HSPA4: variants seen among roughly 807,000 people sequenced by gnomAD.
HSPA4 encodes heat shock 70 kDa protein 4.
Under a neutral mutation model 106.2 loss-of-function variants are expected in HSPA4, and 25 were observed. The observed-to-expected ratio is 0.24, with a 90% confidence interval of 0.17 to 0.33. HSPA4 has a LOEUF of 0.33. Among genes scored for constraint, HSPA4 ranks in the 10% least tolerant of loss-of-function variants. The pLI, the probability that HSPA4 is intolerant of heterozygous loss-of-function variation, is 1.00. For missense variants in HSPA4, 841 were observed against 996.0 expected (o/e 0.84, Z 2.10); for synonymous variants, 332 against 333.6 (o/e 1.00, Z 0.05).
intron 7 of HSPA4, among the ~76,000 whole-genome samples, chr5:133,080,913 T>G (rs1430596199): frequency 5.9e-5 from 9 of 152,246 alleles, no homozygotes; most frequent in Admixed American, 2.6e-4. Flanking sequence ...TCCAGGGTTG[T>G]GCAACTGTGA....
chr5:133,102,022 G>C, intron 17 of HSPA4, 144 bp downstream of exon 17: 2 of 531,932 alleles, frequency 3.8e-6, no homozygotes, highest in South Asian at 4.9e-5. Flanking sequence ...CACCTCCTGG[G>C]TTTAAGCAAT....
In HSPA4 at chr5:133,104,464, A is replaced by G. The variant is rs1192741747; in HGVS notation, c.*28A>G. The G allele has an allele frequency of 1.2e-5, 19 of 1,585,958 alleles. No individual in the cohort carries two copies. The highest frequency in any genetic ancestry group is 1.6e-5 in the Non-Finnish European group (19 of 1,155,512). On this transcript the variant is annotated 3_prime_UTR_variant, in exon 19 of 19. Transcript: ENST00000304858. ...CCAACACTTGTTTCTATTAAAACAG[A>G]CTATTATAAAGCTTTAAGTTGTCAA...
intron 7 of HSPA4, among the ~76,000 whole-genome samples, chr5:133,077,457 C>G (rs1241981327): frequency 6.6e-6 from 1 of 152,194 alleles, no homozygotes. Flanking sequence ...AGGCTGGTCT[C>G]AAACTCCTGA....
chr5:133,088,471 A>T lies in HSPA4; in HGVS notation c.1053A>T (p.Lys351Asn). ...VGGATRIPAV[K>N]EKISKFFGKE... ...GTGCTACACGAATCCCTGCGGTAAA[A>T]GAGAAGATCAGCAAATTTTTCGGTA... The change falls in exon 9 of 19, where the codon AAA becomes AAT. Residue 351 changes from lysine (K) to asparagine (N), a missense_variant. This residue lies in a region of HSPA4 where 162 missense variants were observed against 177.7 expected (regional missense o/e 0.91). Coordinates refer to ENST00000304858, the MANE Select transcript of HSPA4 (RefSeq NM_002154.4). 1.2e-6 allele frequency: 2 copies of T among 1,613,224 alleles called. No individual in the cohort carries two copies. The highest frequency in any genetic ancestry group is 1.7e-6 in the Non-Finnish European group (2 of 1,179,116).
chr5:133,080,680 AT>A lies in HSPA4; in HGVS notation c.908+3791del, dbSNP rs200859110. Among the ~76,000 whole-genome samples, 208 of 149,550 alleles carry A rather than the reference AT, an allele frequency of 1.4e-3. 6 individuals carry two copies. The East Asian group carries it at 0.038, about 28-fold the overall frequency. ...CCTTGCCTATCTTACATATATATAT[AT>A]TTTTTTTTAGTTTGCCTTTTTTTTG... On this transcript the variant is annotated intron_variant, in intron 7 of 18. Transcript: ENST00000304858.
chr5:133,093,585 G>T (rs1020586317), intron 13 of HSPA4, among the ~76,000 whole-genome samples: 2 of 152,030 alleles, frequency 1.3e-5, no homozygotes, highest in African/African-American at 4.8e-5. Flanking sequence ...CCGCCTTCCA[G>T]GTTCAAGCGA....
chr5:133,071,736 G>A (rs1278138214), intron 4 of HSPA4, among the ~76,000 whole-genome samples: 2 of 152,150 alleles, frequency 1.3e-5, no homozygotes, highest in African/African-American at 2.4e-5. Context: ...GTTGCCTGGC[G>A]GATTTCTTGG....
chr5:133,052,774 ATAGT>A (rs763582958), intron 1 of HSPA4: 24 of 159,026 alleles, frequency 1.5e-4, no homozygotes, highest in Non-Finnish European at 2.9e-4. Context: ...GCGCTTAATA[ATAGT>A]TGAATCGAAC....
chr5:133,082,168 A>T (rs1328822506), intron 7 of HSPA4, among the ~76,000 whole-genome samples: 1 of 152,244 alleles, frequency 6.6e-6, no homozygotes, highest in Non-Finnish European at 1.5e-5. Context: ...AAGAAGTCAC[A>T]AAAGGCCACA....
chr5:133,054,937 GTA>G (rs1276823691), intron 1 of HSPA4, among the ~76,000 whole-genome samples: 1 of 152,170 alleles, frequency 6.6e-6, no homozygotes, highest in East Asian at 1.9e-4. Flanking sequence ...AGAATCCCAA[GTA>G]TGGGGAAGAA....
rs865963835 is a variant in HSPA4, at chr5:133,052,264, G to A, written c.14G>A (p.Gly5Asp). The A allele has an allele frequency of 6.3e-7, 1 of 1,591,614 alleles. No individual in the cohort carries two copies. ...GTAGCCGGCGCCATGTCGGTGGTGG[G>A]CATAGACCTGGGCTTCCAGAGCTGC... MSVVGIDLGFQSCYV... is the reference protein window; with the variant it reads MSVVDIDLGFQSCYV... The change falls in exon 1 of 19, where the codon GGC becomes GAC. Residue 5 changes from glycine to aspartate, a missense_variant. This residue lies in a region of HSPA4 where 347 missense variants were observed against 408.7 expected (regional missense o/e 0.85). Transcript: ENST00000304858.
intron 1 of HSPA4, among the ~76,000 whole-genome samples, chr5:133,061,145 C>T (rs1467412050): frequency 2.1e-5 from 3 of 145,868 alleles, no homozygotes; most frequent in Non-Finnish European, 4.5e-5. Context: ...TTTTTTGAGA[C>T]GGAGTCTTGC....
chr5:133,088,189 C>T (rs1410647499), intron 8 of HSPA4, among the ~76,000 whole-genome samples: 1 of 152,138 alleles, frequency 6.6e-6, no homozygotes, highest in East Asian at 1.9e-4. Flanking sequence ...CTAAATCCCA[C>T]TAGCTACCCT....
Position 133,074,232 on chromosome 5 carries a change from A to T in HSPA4, c.663+106A>T, listed in dbSNP as rs527444422. On this transcript the variant is annotated intron_variant, in intron 6 of 18. Transcript: ENST00000304858. ...CTACAATATGGGAGAAACAATGCAT[A>T]CCTTACAGGGTTATTCAGAGGATTT... The T allele has an allele frequency of 1.8e-4, 118 of 668,592 alleles. 1 individual carries two copies. In the South Asian group the frequency reaches 2.6e-3, roughly 14 times the overall value. The allele number at this position is 668,592 out of a possible 1,614,324, so 41.4% of individuals were successfully genotyped here. A position where few individuals can be genotyped will look rare whatever the true frequency, so the allele number is the denominator to read the frequency against.
chr5:133,075,703 G>T (rs1765439094), intron 6 of HSPA4, among the ~76,000 whole-genome samples: 1 of 152,062 alleles, frequency 6.6e-6, no homozygotes, highest in South Asian at 2.1e-4. Flanking sequence ...GGTGATGTGT[G>T]CCTGTAGTCC....
At chr5:133,097,544 CTTTTCT>C (rs1212808481) in intron 15 of HSPA4, among the ~76,000 whole-genome samples, 2 of 136,566 alleles carry the variant, frequency 1.5e-5, no homozygotes, top group African/African-American at 5.4e-5. Flanking sequence ...TCTTTCTTTT[CTTTTCT>C]TTTTTTTTTT....
At chr5:133,059,248 G>C (rs1242710904) in intron 1 of HSPA4, among the ~76,000 whole-genome samples, 2 of 151,820 alleles carry the variant, frequency 1.3e-5, no homozygotes, top group Non-Finnish European at 2.9e-5. Flanking sequence ...AGGAGTTTGA[G>C]ACCAGCCTGG....
intron 3 of HSPA4, among the ~76,000 whole-genome samples, chr5:133,067,974 C>T (rs980851914): frequency 6.6e-6 from 1 of 151,482 alleles, no homozygotes; most frequent in African/African-American, 2.4e-5. Context: ...CTCACTGCCA[C>T]CTCTGCCTCC....
chr5:133,085,375 G>A (rs921606980), intron 7 of HSPA4, among the ~76,000 whole-genome samples: 1 of 151,524 alleles, frequency 6.6e-6, no homozygotes, highest in East Asian at 1.9e-4. Flanking sequence ...GCAGACGACC[G>A]GGTGCGATGG....
Sources: gnomAD v4.1 joint callset for allele counts (sites outside exome capture counted in the v4.1 genomes callset) on GRCh38, gnomAD v4.1.1 for gene constraint, gnomAD v4.1.1 regional missense constraint, MANE v1.5 for transcripts, NCBI Gene and HGNC (gene_info 2026-07-23, HGNC 2026-07-21) for gene names.